UVRAG: variants seen among roughly 807,000 people sequenced by gnomAD.
The protein encoded by UVRAG is UV radiation resistance-associated gene protein.
In UVRAG, 19 loss-of-function variants were observed where a neutral mutation model predicts 78.0. The ratio of observed to expected loss-of-function variants is 0.24; its 90% CI spans 0.17 to 0.36. UVRAG has a LOEUF of 0.36. UVRAG is among the 10% of genes least tolerant of loss of function. The probability of loss-of-function intolerance (pLI) is 1.00; values close to 1 mark genes in which losing one functional copy is unlikely to be tolerated. For missense variants in UVRAG, 740 were observed against 853.8 expected (o/e 0.87, Z 1.66); for synonymous variants, 323 against 324.6 (o/e 1.00, Z 0.05).
intron 14 of UVRAG, among the ~76,000 whole-genome samples, chr11:76,119,965 C>T (rs779995799): frequency 1.3e-5 from 2 of 152,212 alleles, no homozygotes; most frequent in African/African-American, 2.4e-5. Context: ...CACGTCCTGT[C>T]GCTGTACTGG....
chr11:75,920,008 GTTTTTTTTTTTTTTTTT>G (rs140217190), intron 6 of UVRAG, among the ~76,000 whole-genome samples: 558 of 55,518 alleles, frequency 0.01, 8 homozygotes, highest in African/African-American at 0.027. Context: ...AATAATTTTG[GTTTTTTTTTTTTTTTTT>G]TTTTTTTTTT....
chr11:76,012,214 TATG>T (rs990097171), intron 11 of UVRAG, among the ~76,000 whole-genome samples: 6 of 151,174 alleles, frequency 4.0e-5, no homozygotes, highest in African/African-American at 1.2e-4. Flanking sequence ...GGGAAATAAA[TATG>T]ATAACATGGA....
intron 8 of UVRAG, among the ~76,000 whole-genome samples, chr11:76,002,129 A>G (rs1001507701): frequency 6.6e-6 from 1 of 152,156 alleles, no homozygotes; most frequent in Non-Finnish European, 1.5e-5. Flanking sequence ...GAGCTTGAGT[A>G]TACCATTGCA....
rs554833554 is a variant in UVRAG, at chr11:75,857,956, C to T, written c.236-3790C>T. 4.6e-5 allele frequency among the ~76,000 whole-genome samples: 7 copies of T among 152,122 alleles called. No individual in the cohort carries two copies. In the East Asian group the frequency reaches 1.4e-3, roughly 29 times the overall value. ...CTCTGTGGTACTTAAGATCACTTGA[C>T]ATACTATATGTTTAATTATTTGATT... is the stretch of plus-strand genomic sequence containing the variant. On this transcript the variant is annotated intron_variant, in intron 2 of 14. Transcript: ENST00000356136.
intron 7 of UVRAG, among the ~76,000 whole-genome samples, chr11:75,968,398 T>C (rs1252701108): frequency 6.6e-6 from 1 of 152,160 alleles, no homozygotes; most frequent in East Asian, 1.9e-4. Flanking sequence ...TATGGAACAT[T>C]AAGATCTTTG....
Position 76,080,109 on chromosome 11 carries a change from A to G in UVRAG, c.1305+14321A>G, listed in dbSNP as rs1387734972. Among the ~76,000 whole-genome samples the G allele has an allele frequency of 2.6e-5, 4 of 152,256 alleles. No homozygotes were observed. The South Asian group carries it at 8.3e-4, about 32-fold the overall frequency. On this transcript the variant is annotated intron_variant, in intron 13 of 14. Transcript: ENST00000356136. ...TTGTAGTAATGGCATTAATCCATTC[A>G]TGAGGGTGGAGCCTTCATGACCTAA...
chr11:75,872,944 A>G (rs898858038), intron 3 of UVRAG, among the ~76,000 whole-genome samples: 1 of 152,196 alleles, frequency 6.6e-6, no homozygotes, highest in African/African-American at 2.4e-5. Flanking sequence ...GAGGATAAAT[A>G]CGCTAGTAGA....
intron 1 of UVRAG, among the ~76,000 whole-genome samples, chr11:75,839,435 T>C (rs1217249519): frequency 1.3e-5 from 2 of 152,056 alleles, no homozygotes; most frequent in Non-Finnish European, 2.9e-5. Flanking sequence ...ACATTAAATA[T>C]TTTTAAGCCT....
At chr11:76,135,943 T>C (rs1485644543) in intron 14 of UVRAG, among the ~76,000 whole-genome samples, 2 of 152,254 alleles carry the variant, frequency 1.3e-5, no homozygotes, top group African/African-American at 4.8e-5. Flanking sequence ...AAGTTTTTCA[T>C]CACAATATAA....
intron 9 of UVRAG, among the ~76,000 whole-genome samples, chr11:76,005,835 A>G (rs1328339975): frequency 6.6e-6 from 1 of 152,358 alleles, no homozygotes; most frequent in African/African-American, 2.4e-5. Flanking sequence ...CTGGTTTATT[A>G]TAAAGGACAT....
intron 9 of UVRAG, among the ~76,000 whole-genome samples, chr11:76,006,760 A>G (rs1448416530): frequency 6.7e-6 from 1 of 150,110 alleles, no homozygotes; most frequent in African/African-American, 2.4e-5. Context: ...AGTCCAACAT[A>G]TTGGTTTTTG....
chr11:76,027,810 C>T (rs900165455), intron 12 of UVRAG, among the ~76,000 whole-genome samples: 1 of 152,070 alleles, frequency 6.6e-6, no homozygotes, highest in Non-Finnish European at 1.5e-5. Flanking sequence ...TGGGAAAGTA[C>T]TGTATTTCCT....
chr11:75,923,003 C>CAT (rs147448761), intron 6 of UVRAG, among the ~76,000 whole-genome samples: 8,077 of 138,590 alleles, frequency 0.058, 251 homozygotes, highest in African/African-American at 0.088. Flanking sequence ...TATATTTTTT[C>CAT]ATATATATAT....
intron 7 of UVRAG, among the ~76,000 whole-genome samples, chr11:75,967,653 T>C (rs1949050075): frequency 6.6e-6 from 1 of 152,212 alleles, no homozygotes; most frequent in South Asian, 2.1e-4. Context: ...AAAATAAGCA[T>C]ATTTTTCTGA....
chr11:75,877,865 G>A (rs1946836481), intron 3 of UVRAG, among the ~76,000 whole-genome samples: 1 of 133,844 alleles, frequency 7.5e-6, no homozygotes, highest in African/African-American at 2.8e-5. Flanking sequence ...GCGGGGGGCT[G>A]ACCCCCCCAC....
At chr11:75,936,392 A>G (rs1358246852) in intron 6 of UVRAG, among the ~76,000 whole-genome samples, 1 of 152,230 alleles carries the variant, frequency 6.6e-6, no homozygotes, top group African/African-American at 2.4e-5. Context: ...ATAGTTGCCA[A>G]ATGGAATGGT....
At chr11:76,061,324 C>A (rs991412858) in intron 12 of UVRAG, among the ~76,000 whole-genome samples, 2 of 152,134 alleles carry the variant, frequency 1.3e-5, no homozygotes, top group Non-Finnish European at 2.9e-5. Flanking sequence ...GCAGACCACT[C>A]GGCTCTCTGT....
At chr11:75,910,784 C>G (rs1176272800) in intron 5 of UVRAG, among the ~76,000 whole-genome samples, 1 of 152,144 alleles carries the variant, frequency 6.6e-6, no homozygotes, top group African/African-American at 2.4e-5. Flanking sequence ...TGTTCTTCTT[C>G]TGGAATTGTC....
chr11:76,077,400 A>G lies in UVRAG; in HGVS notation c.1305+11612A>G, dbSNP rs138856184. On this transcript the variant is annotated intron_variant, in intron 13 of 14. Transcript: ENST00000356136. ...CTAGACATTTTTAATGTCATTGACT[A>G]TGATTACTGTACTCTTTGATTGCTG... 1.4e-4 allele frequency among the ~76,000 whole-genome samples: 22 copies of G among 152,214 alleles called. No individual in the cohort carries two copies. The East Asian group carries it at 4.1e-3, about 28-fold the overall frequency.
Sources: allele counts gnomAD v4.1 joint callset (sites outside exome capture counted in the v4.1 genomes callset), GRCh38; gene constraint gnomAD v4.1.1; transcripts MANE v1.5; gene names NCBI Gene and HGNC (gene_info 2026-07-23, HGNC 2026-07-21).